CTNND2: variants seen among roughly 807,000 people sequenced by gnomAD.
CTNND2 encodes the protein catenin delta-2.
A neutral mutation model predicts 144.4 loss-of-function variants in CTNND2; 22 were observed. That is an observed-to-expected ratio of 0.15 (90% CI 0.11 to 0.22). The LOEUF (loss-of-function observed/expected upper bound fraction) is 0.22. CTNND2 is among the 10% of genes least tolerant of loss of function. The pLI is 1.00. For missense variants in CTNND2, 1,353 were observed against 1,618.8 expected, an observed-to-expected ratio of 0.84 and a Z score of 2.82; for synonymous variants, 751 against 695.6, an observed-to-expected ratio of 1.08 and a Z score of -1.25.
intron 7 of CTNND2, among the ~76,000 whole-genome samples, chr5:11,378,008 G>C (rs1409535022): frequency 6.6e-6 from 1 of 152,186 alleles, no homozygotes; most frequent in African/African-American, 2.4e-5. Context: ...TTCAGCAAAG[G>C]CAGACCTCAT....
chr5:11,292,677 CA>C (rs1300019371), intron 9 of CTNND2, among the ~76,000 whole-genome samples: 1 of 152,170 alleles, frequency 6.6e-6, no homozygotes, highest in Non-Finnish European at 1.5e-5. Context: ...CCCAGCCATG[CA>C]GAACTGTGAG....
At chr5:11,562,881 G>A (rs769962484) in intron 3 of CTNND2, among the ~76,000 whole-genome samples, 13 of 152,310 alleles carry the variant, frequency 8.5e-5, no homozygotes, top group Non-Finnish European at 1.6e-4. Flanking sequence ...TACATGAAAC[G>A]TACATTAGGC....
chr5:11,842,072 G>A (rs1794499801), intron 1 of CTNND2, among the ~76,000 whole-genome samples: 2 of 151,956 alleles, frequency 1.3e-5, no homozygotes, highest in Admixed American at 1.3e-4. Context: ...ACTAGACAGG[G>A]CAAGAGATGT....
In CTNND2 at chr5:11,597,825, G is replaced by A. The variant is rs115681080; in HGVS notation, c.175-32769C>T. Among the ~76,000 whole-genome samples the A allele has an allele frequency of 6.6e-3, 1,000 of 152,166 alleles. 9 individuals are homozygous for A. Among genetic ancestry groups the A allele is most frequent in the African/African-American group, 0.023 (945 of 41,514 alleles). ...TGGGCTCAAGTGATTCGTCTGCTCC[G>A]TACTGAGACTATGGGCATGAGCCAC... On this transcript the variant is annotated intron_variant, in intron 2 of 21. Transcript: ENST00000304623.
chr5:11,296,336 G>A (rs529619857), intron 9 of CTNND2, among the ~76,000 whole-genome samples: 46 of 152,148 alleles, frequency 3.0e-4, no homozygotes, highest in African/African-American at 1.1e-3. Context: ...GGAAACAACA[G>A]GTGCTGGAGA....
At chr5:11,439,745 T>TATCTATCTATCTATCTATCTATCTATC (rs1764083540) in intron 3 of CTNND2, among the ~76,000 whole-genome samples, 1 of 9,970 alleles carries the variant, frequency 1.0e-4, no homozygotes, top group African/African-American at 3.7e-4. Flanking sequence ...TAGCTATATC[T>TATCTATCTATCTATCTATCTATCTATC]ATCTATCTAT....
At chr5:11,726,417 G>T (rs1415127777) in intron 2 of CTNND2, among the ~76,000 whole-genome samples, 2 of 151,908 alleles carry the variant, frequency 1.3e-5, no homozygotes, top group Non-Finnish European at 2.9e-5. Context: ...CATATAAAAA[G>T]TCTGGAAGGA....
intron 16 of CTNND2, among the ~76,000 whole-genome samples, chr5:11,068,783 G>C (rs573764560): frequency 2.8e-4 from 43 of 152,274 alleles, no homozygotes; most frequent in African/African-American, 9.9e-4. Flanking sequence ...CGGGCGTGGT[G>C]GCGGGCGCCT....
intron 1 of CTNND2, among the ~76,000 whole-genome samples, chr5:11,812,396 T>C (rs1392792242): frequency 6.6e-6 from 1 of 152,226 alleles, no homozygotes; most frequent in Non-Finnish European, 1.5e-5. Flanking sequence ...GAAACCATCC[T>C]ATGGCTGACA....
chr5:11,868,610 A>C (rs1795886149), intron 1 of CTNND2, among the ~76,000 whole-genome samples: 1 of 152,170 alleles, frequency 6.6e-6, no homozygotes, highest in African/African-American at 2.4e-5. Flanking sequence ...CTTAATCCTC[A>C]ATGTGGCAGT....
At chr5:11,409,883 G>A (rs1761376570) in intron 5 of CTNND2, among the ~76,000 whole-genome samples, 1 of 151,972 alleles carries the variant, frequency 6.6e-6, no homozygotes, top group African/African-American at 2.4e-5. Flanking sequence ...TGCAGCATTA[G>A]ATTGATATAC....
chr5:11,836,161 T>A (rs1037150618), intron 1 of CTNND2, among the ~76,000 whole-genome samples: 1 of 152,176 alleles, frequency 6.6e-6, no homozygotes, highest in African/African-American at 2.4e-5. Context: ...CCACTCCATG[T>A]TGGTTGGGCC....
At chr5:11,669,896 A>C (rs1487239353) in intron 2 of CTNND2, among the ~76,000 whole-genome samples, 1 of 152,146 alleles carries the variant, frequency 6.6e-6, no homozygotes. Flanking sequence ...TAGTGCTTTA[A>C]GTTTTCCGCT....
intron 2 of CTNND2, among the ~76,000 whole-genome samples, chr5:11,676,991 C>G (rs899533617): frequency 6.6e-6 from 1 of 152,184 alleles, no homozygotes; most frequent in Non-Finnish European, 1.5e-5. Context: ...TTAGTTTCTT[C>G]CATTGTAAAC....
chr5:11,621,852 T>C (rs1470031018), intron 2 of CTNND2, among the ~76,000 whole-genome samples: 1 of 152,204 alleles, frequency 6.6e-6, no homozygotes, highest in African/African-American at 2.4e-5. Flanking sequence ...TAAGCATATG[T>C]AGGCGGGGCT....
At chr5:10,974,741 C>T (rs1736237072) in intron 21 of CTNND2, among the ~76,000 whole-genome samples, 1 of 152,118 alleles carries the variant, frequency 6.6e-6, no homozygotes, top group African/African-American at 2.4e-5. Context: ...TCAGTGACTC[C>T]CTATTAATTT....
chr5:11,233,366 G>A (rs1005728069), intron 10 of CTNND2, among the ~76,000 whole-genome samples: 1 of 152,168 alleles, frequency 6.6e-6, no homozygotes, highest in Non-Finnish European at 1.5e-5. Context: ...AACAAGAAAG[G>A]CATGATTTAT....
intron 21 of CTNND2, among the ~76,000 whole-genome samples, chr5:10,978,199 G>A (rs992047376): frequency 1.3e-5 from 2 of 152,134 alleles, no homozygotes; most frequent in African/African-American, 4.8e-5. Context: ...TTTGGCCCAG[G>A]GAAGCTCCCA....
chr5:11,638,664 C>T (rs906710346), intron 2 of CTNND2, among the ~76,000 whole-genome samples: 31 of 152,286 alleles, frequency 2.0e-4, no homozygotes, highest in African/African-American at 7.2e-4. Flanking sequence ...CCCTCTGCCT[C>T]CTAGGTTCAA....
Sources: gnomAD v4.1 joint callset for allele counts (sites outside exome capture counted in the v4.1 genomes callset) on GRCh38, gnomAD v4.1.1 for gene constraint, MANE v1.5 for transcripts, NCBI Gene and HGNC (gene_info 2026-07-23, HGNC 2026-07-21) for gene names.